Variants in EHMT1 observed in about 807,000 individuals in gnomAD.
The protein encoded by EHMT1 is euchromatic histone lysine methyltransferase 1.
In EHMT1, 15 loss-of-function variants were observed where a neutral mutation model predicts 147.2. The ratio of observed to expected loss-of-function variants is 0.10; its 90% CI spans 0.07 to 0.16. The LOEUF (loss-of-function observed/expected upper bound fraction) is 0.16, where lower values mean the gene tolerates loss of function less well. Among genes scored for constraint, EHMT1 ranks in the 10% least tolerant of loss-of-function variants. EHMT1 has a pLI of 1.00. For missense variants in EHMT1, 1,587 were observed against 1,772.4 expected (o/e 0.90, Z 1.88); for synonymous variants, 795 against 709.6 (o/e 1.12, Z -1.91).
intron 1 of EHMT1, among the ~76,000 whole-genome samples, chr9:137,703,917 GA>G (rs1286037253): frequency 1.3e-5 from 2 of 152,106 alleles, no homozygotes; most frequent in Non-Finnish European, 2.9e-5. Flanking sequence ...AATTTATAAA[GA>G]AAAGAGGTTT....
chr9:137,643,209 T>C (rs999979559), intron 1 of EHMT1, among the ~76,000 whole-genome samples: 1 of 151,860 alleles, frequency 6.6e-6, no homozygotes, highest in Non-Finnish European at 1.5e-5. Flanking sequence ...CATGTGGGCT[T>C]GAGTTACTGT....
chr9:137,657,650 G>A (rs1387165967), intron 1 of EHMT1, among the ~76,000 whole-genome samples: 2 of 151,970 alleles, frequency 1.3e-5, no homozygotes, highest in Non-Finnish European at 2.9e-5. Flanking sequence ...CACCTCAAGC[G>A]TTGATCCTGT....
At chr9:137,727,846 A>G (rs1946767968) in intron 3 of EHMT1, among the ~76,000 whole-genome samples, 1 of 152,252 alleles carries the variant, frequency 6.6e-6, no homozygotes. Flanking sequence ...AACACACAAC[A>G]TAGTTACCTA....
rs1360406576 is a variant in EHMT1, at chr9:137,744,063, C to T, written c.1143C>T (p.Ser381=). ...AGGACAGCAGGACTTCCAAGGAGAG[C>T]ATGTCGGAGGCTGATCGCGCCCAGA... is the stretch of plus-strand genomic sequence containing the variant. ...PTEDSRTSKE[S]MSEADRAQKM... The change falls in exon 6 of 27, where the codon AGC becomes AGT. Residue 381 remains serine (S), a synonymous_variant. Coordinates refer to ENST00000460843, the MANE Select transcript of EHMT1 (RefSeq NM_024757.5). 2 of 1,614,020 alleles carry T rather than the reference C, an allele frequency of 1.2e-6. No individual in the cohort carries two copies. Among genetic ancestry groups the T allele is most frequent in the Non-Finnish European group, 1.7e-6 (2 of 1,180,036 alleles).
intron 23 of EHMT1, chr9:137,817,219 G>A (rs1954987997): frequency 4.8e-6 from 3 of 619,330 alleles, no homozygotes; most frequent in Non-Finnish European, 5.8e-6. Context: ...GTGACTTGCC[G>A]AGGTTGTGGG....
At chr9:137,634,738 T>TATCG (rs1843866310) in intron 1 of EHMT1, among the ~76,000 whole-genome samples, 1 of 149,232 alleles carries the variant, frequency 6.7e-6, no homozygotes, top group Admixed American at 6.7e-5. Flanking sequence ...AGTCTCTCTC[T>TATCG]ATCGCCCAGG....
At chr9:137,635,700 G>C (rs1017263043) in intron 1 of EHMT1, among the ~76,000 whole-genome samples, 2 of 150,970 alleles carry the variant, frequency 1.3e-5, no homozygotes, top group African/African-American at 4.8e-5. Flanking sequence ...GGCGCCTGTA[G>C]TTCCAGCTAC....
At position 137,835,195 on chromosome 9, in the gene EHMT1, CCG is replaced by C; in HGVS notation, c.*248_*249del. The C allele has an allele frequency of 2.5e-6, 1 of 407,218 alleles. No individual in the cohort carries two copies. The allele number at this position is 407,218 out of a possible 1,614,324, so 25.2% of individuals were successfully genotyped here. ...CCCAGGCTGGAGCGCACACTTTGGT[CCG>C]CGCGCCAGAGACGCTGGGAGTCCGC... On this transcript the variant is annotated 3_prime_UTR_variant, in exon 27 of 27. Coordinates refer to ENST00000460843, the MANE Select transcript of EHMT1 (RefSeq NM_024757.5).
intron 3 of EHMT1, among the ~76,000 whole-genome samples, chr9:137,718,874 G>C (rs1945638793): frequency 6.6e-6 from 1 of 150,724 alleles, no homozygotes; most frequent in African/African-American, 2.5e-5. Context: ...TCATGCTTCA[G>C]CCTCCCAAGT....
At chr9:137,742,096 A>G (rs900624865) in intron 4 of EHMT1, among the ~76,000 whole-genome samples, 1 of 152,122 alleles carries the variant, frequency 6.6e-6, no homozygotes, top group Non-Finnish European at 1.5e-5. Context: ...CCTGACCCCC[A>G]TGAACATACT....
chr9:137,678,508 G>A (rs561297838), intron 1 of EHMT1, among the ~76,000 whole-genome samples: 1 of 152,122 alleles, frequency 6.6e-6, no homozygotes, highest in East Asian at 1.9e-4. Context: ...GCGTGCAGCC[G>A]TGCGTGTTCT....
At chr9:137,670,228 A>C (rs189078470) in intron 1 of EHMT1, among the ~76,000 whole-genome samples, 2 of 151,660 alleles carry the variant, frequency 1.3e-5, no homozygotes, top group Non-Finnish European at 2.9e-5. Context: ...CTTTGCGCCA[A>C]ACTCCTCCAA....
chr9:137,715,235 G>A (rs1261134391), intron 2 of EHMT1, among the ~76,000 whole-genome samples: 1 of 152,164 alleles, frequency 6.6e-6, no homozygotes, highest in East Asian at 1.9e-4. Flanking sequence ...GACACTGGTA[G>A]TGTTAATAGA....
chr9:137,745,897 C>T (rs562354844), intron 6 of EHMT1: 20 of 211,806 alleles, frequency 9.4e-5, no homozygotes, highest in Non-Finnish European at 1.6e-4. Flanking sequence ...TCTTGGAGTC[C>T]AGCAGCTCTT....
chr9:137,647,966 T>C (rs1399620752), intron 1 of EHMT1, among the ~76,000 whole-genome samples: 1 of 152,146 alleles, frequency 6.6e-6, no homozygotes, highest in African/African-American at 2.4e-5. Flanking sequence ...CTCTTTGCAT[T>C]GACTGTATGC....
chr9:137,817,508 A>C lies in EHMT1; in HGVS notation c.3444A>C (p.Pro1148=), dbSNP rs1227215640. 6.2e-7 allele frequency: 1 copy of C among 1,614,188 alleles called. No individual in the cohort carries two copies. The highest frequency in any genetic ancestry group is 1.1e-5 in the South Asian group (1 of 91,084). ...WGVRSLQDIP[P]GTFVCEYVGE... ...TGCGGTCCCTGCAGGACATCCCACC[A>C]GGCACCTTTGTCTGCGAGTGAGTGA... The change falls in exon 24 of 27, where the codon CCA becomes CCC. Residue 1148 remains proline, a synonymous_variant. Coordinates refer to ENST00000460843, the MANE Select transcript of EHMT1 (RefSeq NM_024757.5).
chr9:137,726,431 C>G (rs554391557), intron 3 of EHMT1, among the ~76,000 whole-genome samples: 13 of 152,358 alleles, frequency 8.5e-5, no homozygotes, highest in African/African-American at 2.6e-4. Flanking sequence ...CTCATCCACG[C>G]TGCAGCGCGG....
Position 137,800,998 on chromosome 9 carries a change from A to T in EHMT1, c.2712+14A>T. The T allele has an allele frequency of 6.2e-7, 1 of 1,612,562 alleles. No homozygotes were observed. ...ATCCGAGACAACGTAAGTTCGTCAC[A>T]CCCTCCCCGGGAGCCGTGTCCTGGA... On this transcript the variant is annotated intron_variant, in intron 18 of 26. Coordinates refer to ENST00000460843, the MANE Select transcript of EHMT1 (RefSeq NM_024757.5).
intron 10 of EHMT1, among the ~76,000 whole-genome samples, chr9:137,765,026 C>G (rs957149515): frequency 2.6e-5 from 4 of 152,210 alleles, no homozygotes; most frequent in Admixed American, 2.0e-4. Flanking sequence ...TGTGGAGGTT[C>G]GTGCGCTGGG....
Sources: allele counts gnomAD v4.1 joint callset (sites outside exome capture counted in the v4.1 genomes callset), GRCh38; gene constraint gnomAD v4.1.1; transcripts MANE v1.5; gene names NCBI Gene and HGNC (gene_info 2026-07-23, HGNC 2026-07-21).